The following ANKRD36 variants were observed in gnomAD, a reference collection of about 807,000 sequenced individuals.
ANKRD36 encodes ankyrin repeat domain 36, also known as ankyrin repeat domain-containing protein 36A.
ANKRD36 carries 179 observed loss-of-function variants against 278.1 expected under a neutral mutation model. The ratio of observed to expected loss-of-function variants is 0.64; its 90% CI spans 0.57 to 0.73. The LOEUF is 0.73. Among genes scored for constraint, ANKRD36 ranks in the 30% least tolerant of loss-of-function variants. The pLI, the probability that ANKRD36 is intolerant of heterozygous loss-of-function variation, is 0.00. For synonymous variants in ANKRD36, 320 were observed against 641.1 expected (o/e 0.50, Z 7.57); for missense variants, 1,159 against 1,956.7 (o/e 0.59, Z 7.69).
chr2:97,126,739 G>T (rs1343084542), intron 5 of ANKRD36, among the ~76,000 whole-genome samples: 1 of 151,694 alleles, frequency 6.6e-6, no homozygotes, highest in Non-Finnish European at 1.5e-5. Flanking sequence ...AAGACATTGT[G>T]CCTAAGAGAA....
At chr2:97,134,997 C>A (rs1419774294) in intron 6 of ANKRD36, among the ~76,000 whole-genome samples, 1 of 152,022 alleles carries the variant, frequency 6.6e-6, no homozygotes, top group African/African-American at 2.4e-5. Flanking sequence ...GCAAGCTTAC[C>A]GCATCTTCCC....
rs1362201410 is a variant in ANKRD36, at chr2:97,262,746, G to C, written c.*7-1583G>C. Among the ~76,000 whole-genome samples, 2 of 131,236 alleles carry C rather than the reference G, an allele frequency of 1.5e-5. 1 individual carries two copies. Among genetic ancestry groups the C allele is most frequent in the African/African-American group, 6.2e-5 (2 of 32,256 alleles). The allele number at this position is 131,236 out of a possible 152,430, so 86.1% of individuals were successfully genotyped here. A position where few individuals can be genotyped will look rare whatever the true frequency, so the allele number is the denominator to read the frequency against. On this transcript the variant is annotated intron_variant, in intron 75 of 75. Transcript: ENST00000420699. Reference sequence around the variant, plus strand: ...TGAGTTCTCACTGCATTACACGAAAGGTGGTTGTTTAAAACAGTGTGGCAC... The same window carrying C: ...TGAGTTCTCACTGCATTACACGAAACGTGGTTGTTTAAAACAGTGTGGCAC...
intron 42 of ANKRD36, among the ~76,000 whole-genome samples, chr2:97,197,645 A>T (rs1355552680): frequency 6.6e-6 from 1 of 151,944 alleles, no homozygotes; most frequent in Non-Finnish European, 1.5e-5. Context: ...GCTGCATTGT[A>T]ATTAACTCCT....
intron 64 of ANKRD36, 104 bp downstream of exon 64, chr2:97,217,476 A>T: frequency 2.0e-6 from 3 of 1,499,526 alleles, no homozygotes; most frequent in East Asian, 2.5e-5. Flanking sequence ...GCACTTTCTG[A>T]TTCAGCAGGC....
intron 18 of ANKRD36, chr2:97,163,620 G>A: frequency 5.0e-6 from 1 of 200,376 alleles, no homozygotes; most frequent in South Asian, 7.4e-5. Context: ...CTGTCACCCA[G>A]GCTTGAGTGC....
In ANKRD36 at chr2:97,135,140, T is replaced by C. The variant is rs535267651; in HGVS notation, c.800-7500T>C. ...TTTGCCATAGAATAGAGTACAGTTT[T>C]CATAGATCTAGATTTTTTGAATTAG... On this transcript the variant is annotated intron_variant, in intron 6 of 75. Coordinates refer to ENST00000420699, the MANE Select transcript of ANKRD36 (RefSeq NM_001354587.1). Among the ~76,000 whole-genome samples, 4 of 152,166 alleles carry C rather than the reference T, an allele frequency of 2.6e-5. No homozygotes were observed. The East Asian group carries it at 7.7e-4, about 29-fold the overall frequency.
intron 22 of ANKRD36, among the ~76,000 whole-genome samples, chr2:97,170,743 A>G (rs2153517093): frequency 6.6e-6 from 1 of 152,078 alleles, no homozygotes; most frequent in South Asian, 2.1e-4. Flanking sequence ...AGCAAAAGAA[A>G]CTACCATCAG....
At chr2:97,210,443 A>G (rs1360592357) in intron 56 of ANKRD36, among the ~76,000 whole-genome samples, 2 of 151,876 alleles carry the variant, frequency 1.3e-5, no homozygotes, top group African/African-American at 4.8e-5. Flanking sequence ...TCATTAAAAA[A>G]TTTGATTTTG....
chr2:97,188,443 G>T (rs1457616939), intron 32 of ANKRD36, among the ~76,000 whole-genome samples: 2 of 151,716 alleles, frequency 1.3e-5, no homozygotes, highest in Non-Finnish European at 2.9e-5. Context: ...ACTGGATGAA[G>T]AAATTTTCGG....
At chr2:97,208,721 T>C (rs1421267804) in intron 54 of ANKRD36, among the ~76,000 whole-genome samples, 1 of 146,570 alleles carries the variant, frequency 6.8e-6, no homozygotes, top group African/African-American at 2.7e-5. Flanking sequence ...AAAAATGAGA[T>C]AATCTTGAAT....
At chr2:97,171,746 A>C (rs1166560264) in intron 22 of ANKRD36, among the ~76,000 whole-genome samples, 2 of 151,874 alleles carry the variant, frequency 1.3e-5, no homozygotes, top group East Asian at 3.9e-4. Flanking sequence ...AAAACAAAAA[A>C]AACAAAAATT....
intron 58 of ANKRD36, 76 bp downstream of exon 58, chr2:97,211,817 G>A: frequency 6.8e-7 from 1 of 1,465,434 alleles, no homozygotes; most frequent in African/African-American, 1.4e-5. Context: ...TAAAACAGCG[G>A]GGGGTTCGTC....
At chr2:97,232,772 CAT>C (rs2072597309) in intron 67 of ANKRD36, among the ~76,000 whole-genome samples, 2 of 150,668 alleles carry the variant, frequency 1.3e-5, no homozygotes, top group Admixed American at 6.6e-5. Context: ...AGATACTGAA[CAT>C]GTTTTTAACT....
rs371865450 is a variant in ANKRD36, at chr2:97,227,106, C to T, written c.3951+2227C>T. On this transcript the variant is annotated intron_variant, in intron 67 of 75. Transcript: ENST00000420699. ...TTGGCTAAGGATTGACTTAGTGATG[C>T]GGGCTCTTTTTTGGTTCCATATGAA... Among the ~76,000 whole-genome samples, 47 of 152,208 alleles carry T rather than the reference C, an allele frequency of 3.1e-4. 10 individuals are homozygous for T. The highest frequency in any genetic ancestry group is 7.8e-4 in the East Asian group (4 of 5,108).
At chr2:97,195,597 A>T (rs1237691321) in intron 40 of ANKRD36, among the ~76,000 whole-genome samples, 1 of 152,012 alleles carries the variant, frequency 6.6e-6, no homozygotes. Context: ...GGCATCAGAG[A>T]TACATATTTT....
At chr2:97,190,849 A>G (rs1259571007) in intron 34 of ANKRD36, 129 bp from the exon 35 acceptor site, 2 of 1,385,792 alleles carry the variant, frequency 1.4e-6, no homozygotes, top group African/African-American at 2.9e-5. Context: ...CAAGAGACAA[A>G]GTAGAAGACA....
At chr2:97,187,794 A>G (rs951681311) in intron 32 of ANKRD36, among the ~76,000 whole-genome samples, 6 of 151,836 alleles carry the variant, frequency 4.0e-5, no homozygotes, top group Admixed American at 1.3e-4. Flanking sequence ...CAGAAAACTG[A>G]TAGTAATAAC....
chr2:97,166,203 C>T (rs559260692), intron 20 of ANKRD36, among the ~76,000 whole-genome samples: 17 of 152,156 alleles, frequency 1.1e-4, no homozygotes, highest in Non-Finnish European at 1.5e-5. Context: ...AAATATGTAA[C>T]ATAGTTTGCT....
chr2:97,178,560 C>T (rs1457654941), intron 22 of ANKRD36, among the ~76,000 whole-genome samples: 7 of 151,382 alleles, frequency 4.6e-5, no homozygotes, highest in East Asian at 2.0e-4. Context: ...TCATCATTCT[C>T]AGTAAACTAT....
Sources: allele counts gnomAD v4.1 joint callset (sites outside exome capture counted in the v4.1 genomes callset), GRCh38; gene constraint gnomAD v4.1.1; transcripts MANE v1.5; gene names NCBI Gene and HGNC (gene_info 2026-07-23, HGNC 2026-07-21).